Variants in SLC24A4 observed in about 807,000 individuals in gnomAD.
The protein encoded by SLC24A4 is solute carrier family 24 member 4.
A neutral mutation model predicts 79.0 loss-of-function variants in SLC24A4; 53 were observed. That is an observed-to-expected ratio of 0.67 (90% confidence interval 0.54 to 0.84). The LOEUF (loss-of-function observed/expected upper bound fraction) is 0.84. Ranked by LOEUF, SLC24A4 falls within the 40% of genes least tolerant of loss-of-function variation. The probability of loss-of-function intolerance (pLI) is 0.00; values close to 1 mark genes in which losing one functional copy is unlikely to be tolerated. For missense variants in SLC24A4, 731 were observed against 822.0 expected (o/e 0.89, Z 1.35); for synonymous variants, 323 against 323.8 (o/e 1.00, Z 0.03).
intron 2 of SLC24A4, among the ~76,000 whole-genome samples, chr14:92,332,740 C>T (rs1885548903): frequency 6.6e-6 from 1 of 152,220 alleles, no homozygotes; most frequent in Admixed American, 6.5e-5. Context: ...AATACATGCT[C>T]AGACACTAGC....
intron 2 of SLC24A4, among the ~76,000 whole-genome samples, chr14:92,373,045 CA>C (rs1888289120): frequency 6.7e-6 from 1 of 148,924 alleles, no homozygotes; most frequent in Non-Finnish European, 1.5e-5. Context: ...CTCTGTTGCC[CA>C]GGCTAGAGTG....
intron 2 of SLC24A4, among the ~76,000 whole-genome samples, chr14:92,383,875 C>A (rs538285576): frequency 3.9e-5 from 6 of 152,202 alleles, no homozygotes; most frequent in Non-Finnish European, 8.8e-5. Context: ...AGCATTTCCG[C>A]GGGAAGATCT....
rs192424667 is a variant in SLC24A4, at chr14:92,485,733, T to C, written c.1423-933T>C. Reference sequence around the variant, plus strand: ...ATCAGGAAGATCAAATTAATGAATATGTGAAATTCTTCTCTAGTTACAGAA... The same window carrying C: ...ATCAGGAAGATCAAATTAATGAATACGTGAAATTCTTCTCTAGTTACAGAA... On this transcript the variant is annotated intron_variant, in intron 13 of 16. Coordinates refer to ENST00000532405, the MANE Select transcript of SLC24A4 (RefSeq NM_153646.4). Among the ~76,000 whole-genome samples, 603 of 152,294 alleles carry C rather than the reference T, an allele frequency of 4.0e-3. 4 individuals carry two copies. Among genetic ancestry groups the C allele is most frequent in the African/African-American group, 0.014 (577 of 41,548 alleles).
At position 92,449,222 on chromosome 14, in the gene SLC24A4, G is replaced by A; in HGVS notation, c.880+6G>A. 1.2e-6 allele frequency: 2 copies of A among 1,609,116 alleles called. No individual in the cohort carries two copies. ...CGTGCCATTGCTGGGGCAAGGTAAGGCTGAGCAGACAGGAGTGGGCAGAAA... is the reference window on the plus strand; with the variant it reads ...CGTGCCATTGCTGGGGCAAGGTAAGACTGAGCAGACAGGAGTGGGCAGAAA... On this transcript the variant is annotated splice_donor_region_variant and intron_variant, in intron 10 of 16. Coordinates refer to ENST00000532405, the MANE Select transcript of SLC24A4 (RefSeq NM_153646.4).
intron 2 of SLC24A4, among the ~76,000 whole-genome samples, chr14:92,430,750 G>C (rs192561949): frequency 3.5e-4 from 54 of 152,324 alleles, no homozygotes; most frequent in African/African-American, 1.1e-3. Flanking sequence ...AGGGGTGGGG[G>C]CTGGGATCAT....
chr14:92,361,122 C>T (rs141332953), intron 2 of SLC24A4, among the ~76,000 whole-genome samples: 111 of 152,214 alleles, frequency 7.3e-4, no homozygotes, highest in Non-Finnish European at 4.6e-4. Context: ...CAACTGTGCC[C>T]ATGGTTGTGG....
At chr14:92,335,223 C>A (rs967458322) in intron 2 of SLC24A4, among the ~76,000 whole-genome samples, 5 of 152,120 alleles carry the variant, frequency 3.3e-5, no homozygotes, top group African/African-American at 1.2e-4. Context: ...ATTATTGATA[C>A]TTTGTATTAG....
chr14:92,492,473 G>C lies in SLC24A4; in HGVS notation c.1716+233G>C, dbSNP rs556026039. Among the ~76,000 whole-genome samples the C allele has an allele frequency of 9.9e-5, 15 of 152,186 alleles. No individual in the cohort carries two copies. In the East Asian group the frequency reaches 2.9e-3, roughly 30 times the overall value. On this transcript the variant is annotated intron_variant, in intron 16 of 16. Transcript: ENST00000532405. ...AAGAAGTCCCCAGAGGAAGCGAATT[G>C]CATTTCCTTTCTTGCTGCCTGGTCC...
intron 2 of SLC24A4, among the ~76,000 whole-genome samples, chr14:92,354,512 C>T (rs1253027951): frequency 6.6e-6 from 1 of 152,082 alleles, no homozygotes; most frequent in South Asian, 2.1e-4. Flanking sequence ...AAACGCTTGC[C>T]GTTATGTAGT....
chr14:92,338,295 C>A, intron 2 of SLC24A4, among the ~76,000 whole-genome samples: 1 of 152,170 alleles, frequency 6.6e-6, no homozygotes, highest in African/African-American at 2.4e-5. Flanking sequence ...ATGTGGTTTG[C>A]CCTACAGGCT....
chr14:92,336,464 G>A (rs1332235422), intron 2 of SLC24A4, among the ~76,000 whole-genome samples: 2 of 152,212 alleles, frequency 1.3e-5, no homozygotes, highest in Non-Finnish European at 2.9e-5. Flanking sequence ...GGGGTCTTCC[G>A]GTTGGAGGTG....
chr14:92,377,610 T>G (rs1566725388), intron 2 of SLC24A4, among the ~76,000 whole-genome samples: 1 of 152,192 alleles, frequency 6.6e-6, no homozygotes, highest in African/African-American at 2.4e-5. Context: ...GGACCTCATA[T>G]GCCTTGCAGA....
At chr14:92,380,806 C>T (rs946113203) in intron 2 of SLC24A4, among the ~76,000 whole-genome samples, 2 of 152,232 alleles carry the variant, frequency 1.3e-5, no homozygotes, top group Non-Finnish European at 2.9e-5. Flanking sequence ...AGGGCAGAGG[C>T]TCTGGAGGTG....
chr14:92,327,048 A>G (rs1885183912), intron 2 of SLC24A4, among the ~76,000 whole-genome samples: 1 of 152,176 alleles, frequency 6.6e-6, no homozygotes, highest in Admixed American at 6.5e-5. Flanking sequence ...AGGTCAGGAA[A>G]GATCTGGGGA....
At chr14:92,354,679 A>T (rs1887076362) in intron 2 of SLC24A4, among the ~76,000 whole-genome samples, 1 of 152,168 alleles carries the variant, frequency 6.6e-6, no homozygotes, top group African/African-American at 2.4e-5. Context: ...GATTCAGTAG[A>T]TCTGGGGTGG....
intron 2 of SLC24A4, among the ~76,000 whole-genome samples, chr14:92,383,902 C>A (rs1003904540): frequency 4.6e-5 from 7 of 152,222 alleles, no homozygotes; most frequent in African/African-American, 1.7e-4. Context: ...GGTCCCAAGC[C>A]ATGCCTGGCT....
At chr14:92,444,876 C>G (rs1433725631) in intron 7 of SLC24A4, among the ~76,000 whole-genome samples, 1 of 151,052 alleles carries the variant, frequency 6.6e-6, no homozygotes, top group Admixed American at 6.6e-5. Context: ...AATGATACAC[C>G]CTCCAACAAC....
intron 12 of SLC24A4, among the ~76,000 whole-genome samples, chr14:92,456,811 G>C (rs373948624): frequency 8.0e-4 from 122 of 152,268 alleles, no homozygotes; most frequent in African/African-American, 2.9e-3. Flanking sequence ...TGGGGTGCGG[G>C]CACCACCAAG....
chr14:92,322,616 C>G (rs764533803), upstream of SLC24A4: 3 of 152,756 alleles, frequency 2.0e-5, no homozygotes, highest in Non-Finnish European at 4.4e-5. Flanking sequence ...CTCTCTGCCC[C>G]GTCTCCAGCT....
Sources: gnomAD v4.1 joint callset for allele counts (sites outside exome capture counted in the v4.1 genomes callset) on GRCh38, gnomAD v4.1.1 for gene constraint, MANE v1.5 for transcripts, NCBI Gene and HGNC (gene_info 2026-07-23, HGNC 2026-07-21) for gene names.